OSMR: variants seen among roughly 807,000 people sequenced by gnomAD.
OSMR encodes the protein oncostatin M receptor, also known as oncostatin-M-specific receptor subunit beta.
OSMR carries 81 observed loss-of-function variants against 99.9 expected under a neutral mutation model. The ratio of observed to expected loss-of-function variants is 0.81; its 90% CI spans 0.68 to 0.97. The LOEUF is 0.97. OSMR is among the 50% of genes least tolerant of loss of function. OSMR has a pLI of 0.00. For synonymous variants in OSMR, 406 were observed against 410.4 expected (o/e 0.99, Z 0.13); for missense variants, 1,099 against 1,153.4 (o/e 0.95, Z 0.68).
At chr5:38,944,419 T>C in intron 2 of OSMR, 2 of 1,582,432 alleles carry the variant, frequency 1.3e-6, no homozygotes, top group East Asian at 2.2e-5. Flanking sequence ...AATAAACAAA[T>C]AATACTCATG....
chr5:38,847,668 TACTC>T (rs1461794496), intron 1 of OSMR, among the ~76,000 whole-genome samples: 2 of 144,916 alleles, frequency 1.4e-5, no homozygotes, highest in East Asian at 1.9e-4. Context: ...CTTCAGGAAA[TACTC>T]AGTTTGTTTT....
intron 1 of OSMR, among the ~76,000 whole-genome samples, chr5:38,852,967 G>A (rs570650526): frequency 8.2e-4 from 124 of 151,904 alleles, no homozygotes; most frequent in African/African-American, 2.7e-3. Context: ...TCCTGACCTC[G>A]TGATCCGCCC....
At chr5:38,943,156 G>C in intron 1 of OSMR, 1 of 364,622 alleles carries the variant, frequency 2.7e-6, no homozygotes, top group Non-Finnish European at 4.7e-6. Flanking sequence ...TTCTGAGTTT[G>C]GGTTTTTTTT....
intron 1 of OSMR, among the ~76,000 whole-genome samples, chr5:38,856,356 T>G (rs1225887511): frequency 6.6e-6 from 1 of 152,180 alleles, no homozygotes; most frequent in Non-Finnish European, 1.5e-5. Flanking sequence ...AGCAGAAGGT[T>G]TTTGGGCAGT....
intron 2 of OSMR, among the ~76,000 whole-genome samples, chr5:38,873,600 G>A (rs1422552306): frequency 6.6e-6 from 1 of 151,956 alleles, no homozygotes; most frequent in Non-Finnish European, 1.5e-5. Flanking sequence ...CATTCCTACC[G>A]GCAGTGTACA....
At chr5:38,859,359 C>T (rs949777770) in intron 1 of OSMR, among the ~76,000 whole-genome samples, 2 of 152,116 alleles carry the variant, frequency 1.3e-5, no homozygotes, top group Admixed American at 1.3e-4. Context: ...AGAGTATGTC[C>T]TTTCCCCAAT....
chr5:38,862,768 CGGGCAGAGGCTGCAATCTCGGCACT>C (rs563993267), intron 1 of OSMR, among the ~76,000 whole-genome samples: 3 of 151,810 alleles, frequency 2.0e-5, no homozygotes, highest in East Asian at 3.9e-4. Context: ...GGGTGGCGGC[CGGGCAGAGGCTGCAATCTCGGCACT>C]TTGGGAGGCC....
At chr5:38,880,467 C>T (rs1377537992) in intron 3 of OSMR, among the ~76,000 whole-genome samples, 2 of 152,240 alleles carry the variant, frequency 1.3e-5, no homozygotes, top group East Asian at 1.9e-4. Context: ...TTCCTGCTCC[C>T]TCGGGACCAT....
chr5:38,902,835 C>G lies in OSMR; in HGVS notation c.992-1047C>G, dbSNP rs558046719. Among the ~76,000 whole-genome samples, 301 of 152,270 alleles carry G rather than the reference C, an allele frequency of 2.0e-3. 3 individuals are homozygous for G. The highest frequency in any genetic ancestry group is 6.6e-3 in the African/African-American group (276 of 41,550). On this transcript the variant is annotated intron_variant, in intron 7 of 17. Coordinates refer to ENST00000274276, the MANE Select transcript of OSMR (RefSeq NM_003999.3). ...CTCTTTTTAATTCTCTCTCAGATGC[C>G]TCCAGATGCATCTGAATACCCAGGA... is the stretch of plus-strand genomic sequence containing the variant.
downstream of OSMR, chr5:38,935,652 T>G (rs1746984200): frequency 6.6e-6 from 1 of 152,238 alleles, no homozygotes; most frequent in African/African-American, 2.4e-5. Context: ...CATTGTGTTT[T>G]ATCTCCCTCA....
intron 7 of OSMR, among the ~76,000 whole-genome samples, chr5:38,900,280 G>A (rs76665593): frequency 0.046 from 6,970 of 152,186 alleles, 196 homozygotes; most frequent in South Asian, 0.091. Flanking sequence ...ATGACACAGG[G>A]CTGCTGCCAG....
intron 7 of OSMR, among the ~76,000 whole-genome samples, chr5:38,898,251 A>C (rs1744651314): frequency 6.6e-6 from 1 of 152,106 alleles, no homozygotes; most frequent in Non-Finnish European, 1.5e-5. Context: ...CTGTAGCTCT[A>C]ATATTTCTCT....
chr5:38,901,877 A>G (rs1187726479), intron 7 of OSMR, among the ~76,000 whole-genome samples: 2 of 152,170 alleles, frequency 1.3e-5, no homozygotes, highest in Non-Finnish European at 2.9e-5. Context: ...CACCCAGGTT[A>G]GGTATATGTG....
intron 1 of OSMR, among the ~76,000 whole-genome samples, chr5:38,855,873 G>T (rs894913490): frequency 1.3e-5 from 2 of 152,116 alleles, no homozygotes; most frequent in Non-Finnish European, 2.9e-5. Flanking sequence ...CAGAGCAGAA[G>T]CCCAGTTTCT....
At chr5:38,940,620 A>T (rs1297648021), downstream of OSMR, 6 of 232,784 alleles carry the variant, frequency 2.6e-5, no homozygotes, top group East Asian at 3.0e-4. Flanking sequence ...CAACATAAGC[A>T]GCAGCTTACA....
intron 11 of OSMR, chr5:38,919,462 A>C (rs958848420): frequency 1.8e-5 from 13 of 736,560 alleles, no homozygotes; most frequent in Non-Finnish European, 2.3e-5. Flanking sequence ...GCACCTGGAA[A>C]GAGTCCATGA....
intron 11 of OSMR, among the ~76,000 whole-genome samples, chr5:38,921,254 A>G (rs1438013031): frequency 3.3e-5 from 5 of 152,128 alleles, no homozygotes; most frequent in Non-Finnish European, 5.9e-5. Flanking sequence ...TTATTTTTAC[A>G]ACCCTTAAAA....
chr5:38,943,066 C>T (rs1024817641), intron 1 of OSMR: 2 of 840,534 alleles, frequency 2.4e-6, no homozygotes, highest in Non-Finnish European at 3.8e-6. Context: ...GATTTCCCTA[C>T]AGATATGGAT....
intron 2 of OSMR, among the ~76,000 whole-genome samples, chr5:38,871,762 ATTT>A (rs1040468761): frequency 6.6e-6 from 1 of 152,162 alleles, no homozygotes; most frequent in Non-Finnish European, 1.5e-5. Flanking sequence ...TATGCTCAGG[ATTT>A]TTTTATTACT....
Sources: gnomAD v4.1 joint callset for allele counts (sites outside exome capture counted in the v4.1 genomes callset) on GRCh38, gnomAD v4.1.1 for gene constraint, MANE v1.5 for transcripts, NCBI Gene and HGNC (gene_info 2026-07-23, HGNC 2026-07-21) for gene names.